CAMK2B: variants seen among roughly 807,000 people sequenced by gnomAD.
The protein encoded by CAMK2B is calcium/calmodulin-dependent protein kinase type II subunit beta.
A neutral mutation model predicts 93.7 loss-of-function variants in CAMK2B; 27 were observed. The ratio of observed to expected loss-of-function variants is 0.29; its 90% CI spans 0.21 to 0.40. The LOEUF is 0.40. Among genes scored for constraint, CAMK2B ranks in the 10% least tolerant of loss-of-function variants. The pLI is 1.00. For missense variants in CAMK2B, 568 were observed against 895.8 expected, an observed-to-expected ratio of 0.63 and a Z score of 4.67; for synonymous variants, 374 against 358.8, an observed-to-expected ratio of 1.04 and a Z score of -0.48.
intron 1 of CAMK2B, among the ~76,000 whole-genome samples, chr7:44,290,117 A>T (rs1454963284): frequency 6.6e-6 from 1 of 152,232 alleles, no homozygotes; most frequent in Non-Finnish European, 1.5e-5. Context: ...TCAGATTCCC[A>T]ACAACAGTGA....
chr7:44,233,935 TC>T (rs1295300932), intron 15 of CAMK2B, among the ~76,000 whole-genome samples: 1 of 152,132 alleles, frequency 6.6e-6, no homozygotes, highest in Non-Finnish European at 1.5e-5. Flanking sequence ...TATGGGCTGT[TC>T]CCCCTGCAGA....
intron 1 of CAMK2B, among the ~76,000 whole-genome samples, chr7:44,284,848 A>C (rs1235803284): frequency 6.6e-6 from 1 of 152,166 alleles, no homozygotes; most frequent in Non-Finnish European, 1.5e-5. Context: ...TCCACTGTCC[A>C]GGTGTCAACG....
rs753937066 is a variant in CAMK2B, at chr7:44,239,553, C to A, written c.1021+36G>T. ...GCTGCATGCTGGCAGGAGGGACGGG[C>A]GGGAGCGGGCGGGACGCTGGTCGAG... On this transcript the variant is annotated intron_variant, in intron 13 of 23. Coordinates refer to ENST00000395749, the MANE Select transcript of CAMK2B (RefSeq NM_001220.5). 2.6e-6 allele frequency: 4 copies of A among 1,514,032 alleles called. No homozygotes were observed. In the South Asian group the frequency reaches 3.6e-5, roughly 14 times the overall value. 93.8% of individuals were successfully genotyped at this position (1,514,032 alleles called of 1,614,324 possible).
intron 21 of CAMK2B, 22 bp downstream of exon 21, chr7:44,220,804 C>G (rs764995263): frequency 3.2e-6 from 5 of 1,559,930 alleles, no homozygotes; most frequent in African/African-American, 1.4e-5. Flanking sequence ...TGCACAGCCC[C>G]CCCCCAGCCC....
chr7:44,313,746 G>A (rs1444311214), intron 1 of CAMK2B, among the ~76,000 whole-genome samples: 1 of 146,284 alleles, frequency 6.8e-6, no homozygotes, highest in East Asian at 2.0e-4. Flanking sequence ...CAGGTTCCTG[G>A]ATCTTCCTGG....
chr7:44,294,508 G>A (rs538026482), intron 1 of CAMK2B, among the ~76,000 whole-genome samples: 1 of 152,248 alleles, frequency 6.6e-6, no homozygotes, highest in East Asian at 1.9e-4. Context: ...GTGATTGATT[G>A]GCAATGTCTG....
At chr7:44,290,525 A>G (rs1270262740) in intron 1 of CAMK2B, among the ~76,000 whole-genome samples, 2 of 152,240 alleles carry the variant, frequency 1.3e-5, no homozygotes, top group Non-Finnish European at 2.9e-5. Flanking sequence ...GGTGGGCTCC[A>G]TGAGGAGGCC....
intron 19 of CAMK2B, among the ~76,000 whole-genome samples, chr7:44,228,488 C>T (rs781508287): frequency 6.6e-6 from 1 of 152,024 alleles, no homozygotes; most frequent in Non-Finnish European, 1.5e-5. Context: ...TGGGGGGCCT[C>T]GGAGGGGCCA....
At chr7:44,236,691 G>A (rs1235677401) in intron 13 of CAMK2B, among the ~76,000 whole-genome samples, 1 of 152,168 alleles carries the variant, frequency 6.6e-6, no homozygotes, top group Non-Finnish European at 1.5e-5. Context: ...GGAACTCAGG[G>A]TTCCAGGACC....
chr7:44,237,416 G>A lies in CAMK2B; in HGVS notation c.1021+2173C>T, dbSNP rs540913489. Among the ~76,000 whole-genome samples, 219 of 152,334 alleles carry A rather than the reference G, an allele frequency of 1.4e-3. 1 individual carries two copies. The highest frequency in any genetic ancestry group is 4.9e-3 in the African/African-American group (203 of 41,566). On this transcript the variant is annotated intron_variant, in intron 13 of 23. Coordinates refer to ENST00000395749, the MANE Select transcript of CAMK2B (RefSeq NM_001220.5). Reference sequence around the variant, plus strand: ...CAGCCCTCCTCGAAGGACTCAGGCCGACGCTGCCATCAGAGCTCTGGGAAG... The same window carrying A: ...CAGCCCTCCTCGAAGGACTCAGGCCAACGCTGCCATCAGAGCTCTGGGAAG...
chr7:44,318,376 T>C (rs1034467468), intron 1 of CAMK2B, among the ~76,000 whole-genome samples: 1 of 152,180 alleles, frequency 6.6e-6, no homozygotes, highest in Non-Finnish European at 1.5e-5. Flanking sequence ...AAGGCCCTCA[T>C]CTTTTACAGG....
chr7:44,287,760 G>A (rs184107837), intron 1 of CAMK2B, among the ~76,000 whole-genome samples: 39 of 152,308 alleles, frequency 2.6e-4, no homozygotes, highest in East Asian at 1.7e-3. Context: ...ACTCCTATGC[G>A]TCCTTCAAGA....
At chr7:44,274,737 A>C (rs1199996651) in intron 2 of CAMK2B, among the ~76,000 whole-genome samples, 2 of 152,210 alleles carry the variant, frequency 1.3e-5, no homozygotes, top group Non-Finnish European at 2.9e-5. Flanking sequence ...TGGAGGGAGC[A>C]AGGGGCGGTG....
Position 44,218,198 on chromosome 7 carries a change from C to G in CAMK2B, c.*1327G>C, listed in dbSNP as rs2096361021. 1 of 153,008 alleles carries G rather than the reference C, an allele frequency of 6.5e-6. No individual in the cohort carries two copies. The highest frequency in any genetic ancestry group is 1.5e-5 in the Non-Finnish European group (1 of 68,680). 9.5% of individuals were successfully genotyped at this position (153,008 alleles called of 1,614,324 possible). A position where few individuals can be genotyped will look rare whatever the true frequency, so the allele number is the denominator to read the frequency against. On this transcript the variant is annotated 3_prime_UTR_variant, in exon 24 of 24. Transcript: ENST00000395749. ...GCCTCCCATGTGCCCTAGGCTGGCT[C>G]CCACTGTAGCTTTTGCTCCCTTCTG... is the stretch of plus-strand genomic sequence containing the variant.
chr7:44,245,734 G>A (rs952112698), intron 6 of CAMK2B, among the ~76,000 whole-genome samples: 2 of 152,138 alleles, frequency 1.3e-5, no homozygotes, highest in African/African-American at 4.8e-5. Flanking sequence ...ATAGGAGAGG[G>A]TCCCGGATCT....
chr7:44,301,306 G>C (rs57834621), intron 1 of CAMK2B, among the ~76,000 whole-genome samples: 3,804 of 152,028 alleles, frequency 0.025, 163 homozygotes, highest in African/African-American at 0.087. Flanking sequence ...TTTTTTGTTT[G>C]TTTGTTTGTT....
At chr7:44,254,885 C>G (rs974960479) in intron 4 of CAMK2B, among the ~76,000 whole-genome samples, 18 of 146,170 alleles carry the variant, frequency 1.2e-4, no homozygotes, top group African/African-American at 4.1e-4. Flanking sequence ...GTCCTCACAA[C>G]CACTCTGTGA....
At chr7:44,305,173 G>T (rs1027601075) in intron 1 of CAMK2B, among the ~76,000 whole-genome samples, 2 of 152,118 alleles carry the variant, frequency 1.3e-5, no homozygotes, top group African/African-American at 4.8e-5. Context: ...ACCCACCTAC[G>T]CATGGCCCTC....
rs900903468 is a variant in CAMK2B at position 44,286,106 on chromosome 7, C to T, written c.66-1881G>A. On this transcript the variant is annotated intron_variant, in intron 1 of 23. Transcript: ENST00000395749. This position sits in a 1 kb window ranked among gnomAD's most constrained non-coding sequence, Gnocchi z 4.0. ...CTTCAATCCTGGTTAGACGGGGTGACACAGCTCTCTGAGCCTCAGTTTCCC... is the reference window on the plus strand; with the variant it reads ...CTTCAATCCTGGTTAGACGGGGTGATACAGCTCTCTGAGCCTCAGTTTCCC... Among the ~76,000 whole-genome samples the T allele has an allele frequency of 2.6e-5, 4 of 152,164 alleles. No homozygotes were observed. The highest frequency in any genetic ancestry group is 7.2e-5 in the African/African-American group (3 of 41,436).
Sources: gnomAD v4.1 joint callset for allele counts (sites outside exome capture counted in the v4.1 genomes callset) on GRCh38, gnomAD v4.1.1 for gene constraint, Gnocchi (gnomAD v3.1) non-coding constraint, MANE v1.5 for transcripts, NCBI Gene and HGNC (gene_info 2026-07-23, HGNC 2026-07-21) for gene names.